The following NKAIN2 variants were observed in gnomAD, a reference collection of about 807,000 sequenced individuals.
NKAIN2 encodes the protein sodium/potassium-transporting ATPase subunit beta-1-interacting protein 2.
NKAIN2 carries 14 observed loss-of-function variants against 32.6 expected under a neutral mutation model. The observed-to-expected ratio is 0.43, with a 90% CI of 0.28 to 0.67. NKAIN2 has a LOEUF of 0.67. Ranked by LOEUF, NKAIN2 falls within the 30% of genes least tolerant of loss-of-function variation. NKAIN2 has a pLI of 0.17. For missense variants in NKAIN2, 198 were observed against 258.3 expected (o/e 0.77, Z 1.60); for synonymous variants, 80 against 87.2 (o/e 0.92, Z 0.46).
chr6:124,769,368 T>C (rs1391875052), intron 4 of NKAIN2, among the ~76,000 whole-genome samples: 1 of 152,106 alleles, frequency 6.6e-6, no homozygotes, highest in Admixed American at 6.6e-5. Context: ...AAAAAAATTC[T>C]CCAGAACAGA....
At chr6:124,345,353 G>C (rs1482009918) in intron 2 of NKAIN2, among the ~76,000 whole-genome samples, 1 of 152,176 alleles carries the variant, frequency 6.6e-6, no homozygotes. Context: ...CTCATAAAAT[G>C]AGTTAGGGAG....
chr6:124,379,877 G>C (rs1442240017), intron 3 of NKAIN2, among the ~76,000 whole-genome samples: 1 of 151,972 alleles, frequency 6.6e-6, no homozygotes, highest in Non-Finnish European at 1.5e-5. Flanking sequence ...TTGTTAGTTT[G>C]ACTTTTTGTG....
intron 3 of NKAIN2, among the ~76,000 whole-genome samples, chr6:124,536,646 G>T (rs998195183): frequency 6.6e-6 from 1 of 152,088 alleles, no homozygotes; most frequent in African/African-American, 2.4e-5. Flanking sequence ...AAGGATGCAG[G>T]GGTGTTTCAT....
At chr6:124,040,298 T>C (rs963112934) in intron 1 of NKAIN2, among the ~76,000 whole-genome samples, 11 of 151,928 alleles carry the variant, frequency 7.2e-5, no homozygotes, top group Non-Finnish European at 1.6e-4. Flanking sequence ...CCAGGTTTTA[T>C]CTTGTGTCTT....
chr6:124,093,612 A>G (rs1020436488), intron 1 of NKAIN2, among the ~76,000 whole-genome samples: 1 of 152,146 alleles, frequency 6.6e-6, no homozygotes, highest in Non-Finnish European at 1.5e-5. Context: ...AGAAATATGT[A>G]TAGTTTGGTA....
chr6:124,293,974 T>TTA (rs1795935336), intron 2 of NKAIN2, among the ~76,000 whole-genome samples: 2 of 152,156 alleles, frequency 1.3e-5, no homozygotes, highest in Non-Finnish European at 2.9e-5. Flanking sequence ...TGTTTTTAGT[T>TTA]TAGAGTTTCT....
chr6:124,057,737 A>G lies in NKAIN2; in HGVS notation c.55-225268A>G, dbSNP rs146910986. Among the ~76,000 whole-genome samples, 98 of 152,084 alleles carry G rather than the reference A, an allele frequency of 6.4e-4. 1 individual carries two copies. In the East Asian group the frequency reaches 0.016, roughly 25 times the overall value. On this transcript the variant is annotated intron_variant, in intron 1 of 6. Coordinates refer to ENST00000368417, the MANE Select transcript of NKAIN2 (RefSeq NM_001040214.3). Reference sequence around the variant, plus strand: ...AAACCATGAAGAATTGTGGCAGAGTATGCTCAAAGTCCCCAATTTAAAAAC... The same window carrying G: ...AAACCATGAAGAATTGTGGCAGAGTGTGCTCAAAGTCCCCAATTTAAAAAC...
chr6:124,240,419 A>G (rs1240426918), intron 1 of NKAIN2, among the ~76,000 whole-genome samples: 1 of 152,140 alleles, frequency 6.6e-6, no homozygotes, highest in Non-Finnish European at 1.5e-5. Flanking sequence ...TCCTGATATC[A>G]AAACCCGGTA....
At chr6:124,224,512 A>T (rs1792006009) in intron 1 of NKAIN2, among the ~76,000 whole-genome samples, 1 of 152,114 alleles carries the variant, frequency 6.6e-6, no homozygotes, top group South Asian at 2.1e-4. Flanking sequence ...GTAGCTCCCC[A>T]GAAATAGCCT....
At chr6:123,988,529 A>C (rs1779258321) in intron 1 of NKAIN2, among the ~76,000 whole-genome samples, 1 of 152,270 alleles carries the variant, frequency 6.6e-6, no homozygotes, top group African/African-American at 2.4e-5. Flanking sequence ...GGAATGCCCC[A>C]GCTTGCAGCC....
At chr6:124,447,968 G>A (rs1481574328) in intron 3 of NKAIN2, among the ~76,000 whole-genome samples, 1 of 152,090 alleles carries the variant, frequency 6.6e-6, no homozygotes, top group Non-Finnish European at 1.5e-5. Flanking sequence ...AAGGGATACA[G>A]TATGTATCCC....
chr6:123,814,958 G>C (rs1773629839), intron 1 of NKAIN2, among the ~76,000 whole-genome samples: 1 of 152,164 alleles, frequency 6.6e-6, no homozygotes, highest in African/African-American at 2.4e-5. Context: ...AGTAATGAAT[G>C]AATAGTGGGA....
chr6:123,907,706 A>G (rs1174840290), intron 1 of NKAIN2, among the ~76,000 whole-genome samples: 1 of 152,094 alleles, frequency 6.6e-6, no homozygotes, highest in East Asian at 1.9e-4. Flanking sequence ...GCCCCAGCCC[A>G]ATGCATGAAT....
At chr6:124,774,087 A>C (rs532420663) in intron 4 of NKAIN2, among the ~76,000 whole-genome samples, 1 of 152,194 alleles carries the variant, frequency 6.6e-6, no homozygotes, top group Admixed American at 6.5e-5. Flanking sequence ...GAACAAAAGA[A>C]TGACATGATC....
Position 124,824,879 on chromosome 6 carries a change from C to T in NKAIN2, c.*1650C>T, listed in dbSNP as rs1030740815. The T allele has an allele frequency of 1.3e-5, 2 of 152,252 alleles. No homozygotes were observed. Among genetic ancestry groups the T allele is most frequent in the Non-Finnish European group, 2.9e-5 (2 of 68,024 alleles). 9.4% of individuals were successfully genotyped at this position (152,252 alleles called of 1,614,324 possible). On this transcript the variant is annotated 3_prime_UTR_variant, in exon 7 of 7. Transcript: ENST00000368417. ...TTTGCATGGATGTCTGTAATATACA[C>T]ACACATATACATTTGAAAATGATAG... is the stretch of plus-strand genomic sequence containing the variant.
At chr6:124,485,118 G>A (rs1361861942) in intron 3 of NKAIN2, among the ~76,000 whole-genome samples, 2 of 152,120 alleles carry the variant, frequency 1.3e-5, no homozygotes, top group African/African-American at 4.8e-5. Context: ...AGCTACTGTT[G>A]CTCTGGTTCT....
intron 2 of NKAIN2, among the ~76,000 whole-genome samples, chr6:124,317,898 T>A (rs79926960): frequency 0.02 from 3,086 of 152,188 alleles, 56 homozygotes; most frequent in East Asian, 0.086. Context: ...TTTGTTGTAA[T>A]ACTTGTAAAT....
At chr6:124,026,997 C>G (rs1781140294) in intron 1 of NKAIN2, among the ~76,000 whole-genome samples, 1 of 152,094 alleles carries the variant, frequency 6.6e-6, no homozygotes, top group Non-Finnish European at 1.5e-5. Context: ...TTTTTTCTTC[C>G]CTGGGGCTCC....
intron 1 of NKAIN2, among the ~76,000 whole-genome samples, chr6:124,195,049 A>T (rs1271156843): frequency 5.8e-5 from 8 of 138,680 alleles, no homozygotes; most frequent in East Asian, 2.1e-4. Flanking sequence ...CAATTTTTTT[A>T]TTTTTTGTGT....
Sources: allele counts gnomAD v4.1 joint callset (sites outside exome capture counted in the v4.1 genomes callset), GRCh38; gene constraint gnomAD v4.1.1; transcripts MANE v1.5; gene names NCBI Gene and HGNC (gene_info 2026-07-23, HGNC 2026-07-21).